Variants in NAALADL2 observed in about 807,000 individuals in gnomAD.
NAALADL2 encodes inactive N-acetylated-alpha-linked acidic dipeptidase-like protein 2.
Under a neutral mutation model 87.2 loss-of-function variants are expected in NAALADL2, and 76 were observed. That is an observed-to-expected ratio of 0.87 (90% CI 0.72 to 1.05). The LOEUF (loss-of-function observed/expected upper bound fraction) is 1.05, where lower values mean the gene tolerates loss of function less well. Among genes scored for constraint, NAALADL2 ranks in the 50% least tolerant of loss-of-function variants. The probability of loss-of-function intolerance (pLI) is 0.00; values close to 1 mark genes in which losing one functional copy is unlikely to be tolerated. For synonymous variants in NAALADL2, 354 were observed against 331.0 expected (o/e 1.07, Z -0.75); for missense variants, 1,089 against 945.8 (o/e 1.15, Z -1.99).
At chr3:175,687,911 G>T (rs1368893174) in intron 11 of NAALADL2, among the ~76,000 whole-genome samples, 1 of 151,930 alleles carries the variant, frequency 6.6e-6, no homozygotes, top group Admixed American at 6.6e-5. Context: ...GCTTCCTGAG[G>T]CCTCACCAGA....
intron 13 of NAALADL2, among the ~76,000 whole-genome samples, chr3:175,759,808 G>C (rs955561110): frequency 6.6e-6 from 1 of 152,162 alleles, no homozygotes; most frequent in African/African-American, 2.4e-5. Flanking sequence ...AAGTACAAAA[G>C]GTAGAGTAGT....
intron 2 of NAALADL2, among the ~76,000 whole-genome samples, chr3:175,153,015 T>C (rs1482518041): frequency 2.6e-5 from 4 of 152,182 alleles, no homozygotes; most frequent in African/African-American, 9.7e-5. Context: ...CATTCATAAG[T>C]AGTAAATAAC....
chr3:175,046,083 A>G (rs930828582), intron 1 of NAALADL2, among the ~76,000 whole-genome samples: 6 of 151,584 alleles, frequency 4.0e-5, no homozygotes, highest in African/African-American at 1.5e-4. Context: ...TGCTTGATAC[A>G]TTTTTACAAG....
chr3:174,441,058 A>C (rs1324971673), intron 1 of NAALADL2: 1 of 152,050 alleles, frequency 6.6e-6, no homozygotes, highest in Non-Finnish European at 1.5e-5. Context: ...TTCTTTTCAA[A>C]GTTTTGCCAA....
At chr3:175,122,522 G>A (rs749126711) in intron 2 of NAALADL2, among the ~76,000 whole-genome samples, 3 of 151,652 alleles carry the variant, frequency 2.0e-5, no homozygotes, top group Non-Finnish European at 4.4e-5. Context: ...ATAACTTATT[G>A]GCATATCATT....
At chr3:175,163,653 C>G (rs1030143114) in intron 2 of NAALADL2, among the ~76,000 whole-genome samples, 1 of 152,086 alleles carries the variant, frequency 6.6e-6, no homozygotes, top group Non-Finnish European at 1.5e-5. Context: ...TAAAAAGACC[C>G]ATCGGTCTAT....
intron 11 of NAALADL2, among the ~76,000 whole-genome samples, chr3:175,629,927 G>A (rs1253264619): frequency 6.6e-6 from 1 of 151,772 alleles, no homozygotes; most frequent in Non-Finnish European, 1.5e-5. Context: ...TCTGTTTGAT[G>A]AGTGAACAGA....
At chr3:175,464,148 A>C (rs758876742) in intron 7 of NAALADL2, among the ~76,000 whole-genome samples, 10 of 147,894 alleles carry the variant, frequency 6.8e-5, no homozygotes, top group Non-Finnish European at 1.2e-4. Context: ...GAAAGATTTT[A>C]GTTTTTAATG....
intron 11 of NAALADL2, among the ~76,000 whole-genome samples, chr3:175,679,058 A>G (rs1735235687): frequency 6.6e-6 from 1 of 151,934 alleles, no homozygotes; most frequent in Non-Finnish European, 1.5e-5. Context: ...GGGGGTCACA[A>G]GGTGCTCAGT....
At chr3:174,921,762 G>T (rs1579535499) in intron 1 of NAALADL2, among the ~76,000 whole-genome samples, 2 of 139,230 alleles carry the variant, frequency 1.4e-5, no homozygotes, top group African/African-American at 2.8e-5. Flanking sequence ...CCGAGATTGT[G>T]CCGTTGCACT....
chr3:174,486,886 A>G (rs1445317348), intron 1 of NAALADL2, among the ~76,000 whole-genome samples: 1 of 152,066 alleles, frequency 6.6e-6, no homozygotes, highest in Non-Finnish European at 1.5e-5. Context: ...AACCACATAC[A>G]TATGAATACC....
At chr3:175,697,375 T>G (rs1691210317) in intron 11 of NAALADL2, among the ~76,000 whole-genome samples, 2 of 147,898 alleles carry the variant, frequency 1.4e-5, no homozygotes, top group African/African-American at 2.6e-5. Context: ...CTACTTATAA[T>G]GTGCTAGTGC....
At chr3:175,337,212 G>C (rs1427156557) in intron 5 of NAALADL2, among the ~76,000 whole-genome samples, 1 of 148,814 alleles carries the variant, frequency 6.7e-6, no homozygotes, top group Non-Finnish European at 1.5e-5. Context: ...AGTCTTGGTT[G>C]GTCTGTGTAT....
intron 1 of NAALADL2, among the ~76,000 whole-genome samples, chr3:175,015,924 T>C (rs1750748985): frequency 6.6e-6 from 1 of 151,934 alleles, no homozygotes; most frequent in Non-Finnish European, 1.5e-5. Flanking sequence ...AACTTAATTG[T>C]TAGTTTGTTG....
At chr3:175,690,887 C>A (rs1736951589) in intron 11 of NAALADL2, among the ~76,000 whole-genome samples, 1 of 151,930 alleles carries the variant, frequency 6.6e-6, no homozygotes, top group African/African-American at 2.4e-5. Flanking sequence ...AGTCCTCAAA[C>A]TCTATTTTCT....
chr3:175,754,222 T>G (rs1746962107), intron 12 of NAALADL2, among the ~76,000 whole-genome samples: 3 of 152,196 alleles, frequency 2.0e-5, no homozygotes, highest in Non-Finnish European at 4.4e-5. Context: ...ATTATTACAT[T>G]CATTTTACAG....
intron 1 of NAALADL2, among the ~76,000 whole-genome samples, chr3:174,495,601 A>G (rs1395187524): frequency 1.3e-5 from 2 of 151,786 alleles, no homozygotes; most frequent in African/African-American, 4.8e-5. Flanking sequence ...TATATCACAC[A>G]GGTTATGTTG....
chr3:175,111,939 T>A (rs1022271745), intron 2 of NAALADL2, among the ~76,000 whole-genome samples: 2 of 151,640 alleles, frequency 1.3e-5, no homozygotes, highest in Admixed American at 1.3e-4. Context: ...CCCAACTCCA[T>A]TACATCCAGC....
intron 2 of NAALADL2, among the ~76,000 whole-genome samples, chr3:174,634,473 A>G (rs998223569): frequency 6.6e-6 from 1 of 152,208 alleles, no homozygotes; most frequent in Middle Eastern, 3.4e-3. Flanking sequence ...ACTTCTACTC[A>G]GTTGAACAGT....
Sources: allele counts gnomAD v4.1 joint callset (sites outside exome capture counted in the v4.1 genomes callset), GRCh38; gene constraint gnomAD v4.1.1; transcripts MANE v1.5; gene names NCBI Gene and HGNC (gene_info 2026-07-23, HGNC 2026-07-21).